Variants in AGAP1 observed in about 807,000 individuals in gnomAD.
The protein encoded by AGAP1 is arf-GAP with GTPase, ANK repeat and PH domain-containing protein 1.
A neutral mutation model predicts 105.3 loss-of-function variants in AGAP1; 29 were observed. The ratio of observed to expected loss-of-function variants is 0.28; its 90% CI spans 0.21 to 0.38. The LOEUF is 0.38. Ranked by LOEUF, AGAP1 falls within the 10% of genes least tolerant of loss-of-function variation. AGAP1 has a pLI of 1.00. For missense variants in AGAP1, 998 were observed against 1,165.1 expected (o/e 0.86, Z 2.09); for synonymous variants, 509 against 485.9 (o/e 1.05, Z -0.63).
At position 235,643,431 on chromosome 2, in the gene AGAP1, C is replaced by CAA. The variant is rs56146940; in HGVS notation, c.164-65720_164-65719dup. ...GGGCAACAAGAGAGAGACTGGGTCT[C>CAA]AAAAAAAAAAAAAAAAAAAAAAAAA... On this transcript the variant is annotated intron_variant, in intron 1 of 17. Transcript: ENST00000304032. 7.9e-3 allele frequency among the ~76,000 whole-genome samples: 483 copies of CAA among 61,386 alleles called. 5 individuals are homozygous for CAA. Among genetic ancestry groups the CAA allele is most frequent in the Middle Eastern group, 0.04 (2 of 50 alleles). The allele number at this position is 61,386 out of a possible 152,430, so 40.3% of individuals were successfully genotyped here.
chr2:235,762,828 G>A (rs1430962002), intron 6 of AGAP1, among the ~76,000 whole-genome samples: 2 of 152,166 alleles, frequency 1.3e-5, no homozygotes, highest in Admixed American at 6.5e-5. Flanking sequence ...AGCTGAGATC[G>A]TGGCACTGCA....
Position 235,963,059 on chromosome 2 carries a change from G to A in AGAP1, c.1484-5403G>A, listed in dbSNP as rs1030562667. On this transcript the variant is annotated intron_variant, in intron 12 of 17. Transcript: ENST00000304032. This position sits in a 1 kb window ranked among gnomAD's most constrained non-coding sequence, Gnocchi z 5.1. The stretch of plus-strand genomic sequence containing the variant: ...CGTGGATGTGGAGGAAATGCTGATG[G>A]GTTGGCTGTGGTGGTCTCTTAGAGG... Among the ~76,000 whole-genome samples, 1 of 152,178 alleles carries A rather than the reference G, an allele frequency of 6.6e-6. No individual in the cohort carries two copies. Among genetic ancestry groups the A allele is most frequent in the Non-Finnish European group, 1.5e-5 (1 of 68,044 alleles).
intron 1 of AGAP1, among the ~76,000 whole-genome samples, chr2:235,592,696 T>G (rs12472486): frequency 2.0e-5 from 3 of 152,120 alleles, no homozygotes; most frequent in Admixed American, 6.5e-5. Flanking sequence ...ATGTCGCACA[T>G]GGAGATATGG....
intron 1 of AGAP1, among the ~76,000 whole-genome samples, chr2:235,666,713 G>T (rs985928940): frequency 6.6e-6 from 1 of 150,986 alleles, no homozygotes; most frequent in African/African-American, 2.5e-5. Context: ...CTCAACAAAG[G>T]TACAGTAATT....
intron 9 of AGAP1, among the ~76,000 whole-genome samples, chr2:235,826,931 C>G (rs1402330701): frequency 6.6e-6 from 1 of 152,138 alleles, no homozygotes; most frequent in African/African-American, 2.4e-5. Context: ...TGTTCACTAA[C>G]TTTGATTAAG....
At chr2:235,856,126 C>G (rs2048674974) in intron 9 of AGAP1, among the ~76,000 whole-genome samples, 1 of 152,084 alleles carries the variant, frequency 6.6e-6, no homozygotes, top group Admixed American at 6.5e-5. Flanking sequence ...ATTGGCCAGG[C>G]TGGTCCTGAA....
intron 13 of AGAP1, among the ~76,000 whole-genome samples, chr2:235,968,888 C>T (rs2054522438): frequency 6.6e-6 from 1 of 152,172 alleles, no homozygotes; most frequent in Non-Finnish European, 1.5e-5. Flanking sequence ...GTCTCCCAGC[C>T]ACCAGCCTGA....
chr2:235,551,794 G>A lies in AGAP1; in HGVS notation c.163+56945G>A, dbSNP rs1161152632. ...TTACCTTTGCTCTTCACCTTGACTG[G>A]TAGATCCTGAAGGCGTAGAAAGAGG... On this transcript the variant is annotated intron_variant, in intron 1 of 17. Coordinates refer to ENST00000304032, the MANE Select transcript of AGAP1 (RefSeq NM_001037131.3). The surrounding 1 kb of genome is among the most constrained non-coding windows in gnomAD (Gnocchi z 4.8). Among the ~76,000 whole-genome samples, 1 of 152,106 alleles carries A rather than the reference G, an allele frequency of 6.6e-6. No individual in the cohort carries two copies. The highest frequency in any genetic ancestry group is 6.5e-5 in the Admixed American group (1 of 15,270).
rs566976804 is a variant in AGAP1 at position 235,521,527 on chromosome 2, A to T, written c.163+26678A>T. On this transcript the variant is annotated intron_variant, in intron 1 of 17. Transcript: ENST00000304032. Reference sequence around the variant, plus strand: ...TTTTAAATATAAGCAAATACATGCGAATGGGTACTTATATAACCTCCTGCT... The same window carrying T: ...TTTTAAATATAAGCAAATACATGCGTATGGGTACTTATATAACCTCCTGCT... 3.3e-5 allele frequency among the ~76,000 whole-genome samples: 5 copies of T among 152,304 alleles called. No individual in the cohort carries two copies. In the South Asian group the frequency reaches 1.0e-3, roughly 32 times the overall value.
chr2:235,796,910 C>T (rs771683021), intron 6 of AGAP1, among the ~76,000 whole-genome samples: 2 of 152,180 alleles, frequency 1.3e-5, no homozygotes, highest in Non-Finnish European at 2.9e-5. Context: ...GTTTTCTAAT[C>T]GTTGACTTCC....
chr2:235,881,524 G>C (rs1343633905), intron 9 of AGAP1, among the ~76,000 whole-genome samples: 1 of 152,162 alleles, frequency 6.6e-6, no homozygotes, highest in Non-Finnish European at 1.5e-5. Flanking sequence ...ATTTTTCTTG[G>C]TTAACATGGG....
In AGAP1 at chr2:235,734,753, G is replaced by A. The variant is rs771901863; in HGVS notation, c.311-6210G>A. On this transcript the variant is annotated intron_variant, in intron 3 of 17. Transcript: ENST00000304032. This position sits in a 1 kb window ranked among gnomAD's most constrained non-coding sequence, Gnocchi z 5.3. ...GTTGGCCCTGTGGATGCTGCAAAAC[G>A]CAGCAAACACGGAGGCTGCCGGCTT... Among the ~76,000 whole-genome samples the A allele has an allele frequency of 2.0e-5, 3 of 152,184 alleles. No individual in the cohort carries two copies. The highest frequency in any genetic ancestry group is 7.2e-5 in the African/African-American group (3 of 41,450).
In AGAP1 at chr2:235,962,067, G is replaced by GT. The variant is rs571956505; in HGVS notation, c.1484-6391dup. On this transcript the variant is annotated intron_variant, in intron 12 of 17. Transcript: ENST00000304032. The surrounding 1 kb of genome is among the most constrained non-coding windows in gnomAD (Gnocchi z 5.3). ...TTTTGGTTTTGTTTTGTTTTGTTTT[G>GT]TTTTGTTTTGTTTTGTTTCAGTGAA... Among the ~76,000 whole-genome samples the GT allele has an allele frequency of 0.015, 1,795 of 120,502 alleles. 16 individuals are homozygous for GT. The highest frequency in any genetic ancestry group is 0.02 in the South Asian group (79 of 3,854). The allele number at this position is 120,502 out of a possible 152,430, so 79.1% of individuals were successfully genotyped here. A position where few individuals can be genotyped will look rare whatever the true frequency, so the allele number is the denominator to read the frequency against.
At position 235,999,301 on chromosome 2, in the gene AGAP1, GAT is replaced by G. The variant is rs2055974714; in HGVS notation, c.1645+30679_1645+30680del. ...GACGATGCTGAGAGGTGGTGGTGGT[GAT>G]GGTGATGGTGGTGGTGGTGGTGGTG... On this transcript the variant is annotated intron_variant, in intron 13 of 17. Coordinates refer to ENST00000304032, the MANE Select transcript of AGAP1 (RefSeq NM_001037131.3). 8.0e-4 allele frequency among the ~76,000 whole-genome samples: 43 copies of G among 53,500 alleles called. No homozygotes were observed. In the African/African-American group the frequency reaches 9.7e-3, roughly 12 times the overall value. The allele number at this position is 53,500 out of a possible 152,430, so 35.1% of individuals were successfully genotyped here.
chr2:235,578,698 T>C lies in AGAP1; in HGVS notation c.163+83849T>C, dbSNP rs953418657. 6.6e-6 allele frequency among the ~76,000 whole-genome samples: 1 copy of C among 151,800 alleles called. No individual in the cohort carries two copies. Among genetic ancestry groups the C allele is most frequent in the African/African-American group, 2.4e-5 (1 of 41,274 alleles). ...TACTTGGGAGGCTGAGGCAGGAGAA[T>C]TGCTTGAACCCAGGAGGCGGAGGTT... On this transcript the variant is annotated intron_variant, in intron 1 of 17. Coordinates refer to ENST00000304032, the MANE Select transcript of AGAP1 (RefSeq NM_001037131.3). The surrounding 1 kb of genome is among the most constrained non-coding windows in gnomAD (Gnocchi z 4.9).
Position 236,036,179 on chromosome 2 carries a change from C to T in AGAP1, c.1646-382C>T, listed in dbSNP as rs1243184414. 1.3e-5 allele frequency among the ~76,000 whole-genome samples: 2 copies of T among 152,118 alleles called. No homozygotes were observed. Among genetic ancestry groups the T allele is most frequent in the African/African-American group, 2.4e-5 (1 of 41,436 alleles). On this transcript the variant is annotated intron_variant, in intron 13 of 17. Coordinates refer to ENST00000304032, the MANE Select transcript of AGAP1 (RefSeq NM_001037131.3). The surrounding 1 kb of genome is among the most constrained non-coding windows in gnomAD (Gnocchi z 5.7). ...CGCGAGTGCTTAGATAGAAATTAACCCTGCAGCCGGAGATTAGCGGCCCTA... is the reference window on the plus strand; with the variant it reads ...CGCGAGTGCTTAGATAGAAATTAACTCTGCAGCCGGAGATTAGCGGCCCTA...
rs544668382 is a variant in AGAP1, at chr2:235,977,996, C to T, written c.1645+9373C>T. Reference sequence around the variant, plus strand: ...GCTCTCTTCCTGGCTTGCAGGTGGCCCTTTTCTTGCTGTGTCCTCATGTGG... The same window carrying T: ...GCTCTCTTCCTGGCTTGCAGGTGGCTCTTTTCTTGCTGTGTCCTCATGTGG... On this transcript the variant is annotated intron_variant, in intron 13 of 17. Coordinates refer to ENST00000304032, the MANE Select transcript of AGAP1 (RefSeq NM_001037131.3). The surrounding 1 kb of genome is among the most constrained non-coding windows in gnomAD (Gnocchi z 5.2). Among the ~76,000 whole-genome samples the T allele has an allele frequency of 1.3e-5, 2 of 152,024 alleles. No homozygotes were observed. The highest frequency in any genetic ancestry group is 4.2e-4 in the South Asian group (2 of 4,818).
rs982505675 is a variant in AGAP1 at position 235,793,278 on chromosome 2, G to T, written c.674-4481G>T. Among the ~76,000 whole-genome samples, 1 of 152,168 alleles carries T rather than the reference G, an allele frequency of 6.6e-6. No homozygotes were observed. Among genetic ancestry groups the T allele is most frequent in the African/African-American group, 2.4e-5 (1 of 41,438 alleles). ...TGGCTGGGAATGGGGCGTGGCACACGGTGTAATCCGGGCAGCCTTGGCGAG... is the reference window on the plus strand; with the variant it reads ...TGGCTGGGAATGGGGCGTGGCACACTGTGTAATCCGGGCAGCCTTGGCGAG... On this transcript the variant is annotated intron_variant, in intron 6 of 17. Transcript: ENST00000304032. This position sits in a 1 kb window ranked among gnomAD's most constrained non-coding sequence, Gnocchi z 5.3.
At chr2:235,946,565 T>C (rs912103707) in intron 12 of AGAP1, among the ~76,000 whole-genome samples, 1 of 152,160 alleles carries the variant, frequency 6.6e-6, no homozygotes, top group African/African-American at 2.4e-5. Flanking sequence ...AGAAAATAAG[T>C]ATAAATAGAT....
Sources: gnomAD v4.1 joint callset for allele counts (sites outside exome capture counted in the v4.1 genomes callset) on GRCh38, gnomAD v4.1.1 for gene constraint, Gnocchi (gnomAD v3.1) non-coding constraint, MANE v1.5 for transcripts, NCBI Gene and HGNC (gene_info 2026-07-23, HGNC 2026-07-21) for gene names.